The following MAP3K6 variants were observed in gnomAD, a reference collection of about 807,000 sequenced individuals.
The protein encoded by MAP3K6 is apoptosis signal-regulating kinase 2.
Under a neutral mutation model 147.1 loss-of-function variants are expected in MAP3K6, and 105 were observed. The ratio of observed to expected loss-of-function variants is 0.71; its 90% CI spans 0.61 to 0.84. The LOEUF is 0.84. Among genes scored for constraint, MAP3K6 ranks in the 40% least tolerant of loss-of-function variants. The probability of loss-of-function intolerance (pLI) is 0.00; values close to 1 mark genes in which losing one functional copy is unlikely to be tolerated. For synonymous variants in MAP3K6, 695 were observed against 732.4 expected, an observed-to-expected ratio of 0.95 and a Z score of 0.82; for missense variants, 1,569 against 1,715.0, an observed-to-expected ratio of 0.91 and a Z score of 1.50.
At position 27,358,132 on chromosome 1, in the gene MAP3K6, A is replaced by C; in HGVS notation, c.2915+49T>G. ...GGAGGGCTTTTGTAGGAGAGGAGAAAAAGGCAAAACCAGGCAAAAGGAACC... is the reference window on the plus strand; with the variant it reads ...GGAGGGCTTTTGTAGGAGAGGAGAACAAGGCAAAACCAGGCAAAAGGAACC... On this transcript the variant is annotated intron_variant, in intron 21 of 28. Coordinates refer to ENST00000357582, the MANE Select transcript of MAP3K6 (RefSeq NM_004672.5). The surrounding 1 kb of genome is among the most constrained non-coding windows in gnomAD (Gnocchi z 6.2). 1 of 1,535,732 alleles carries C rather than the reference A, an allele frequency of 6.5e-7. No individual in the cohort carries two copies. Among genetic ancestry groups the C allele is most frequent in the Non-Finnish European group, 8.7e-7 (1 of 1,145,282 alleles).
rs1392474979 is a variant in MAP3K6 at position 27,361,247 on chromosome 1, G to T, written c.1742C>A (p.Ser581Ter). ...PVASICGVSA[S>*]KRDERCCFLY... The stretch of plus-strand genomic sequence containing the variant: ...GAAGCAGCAGCGCTCGTCGCGCTTT[G>T]AGGCGCTGGGAAGGGATGAAGAACC... Residue 581 changes from serine to a stop codon, truncating the protein, a stop_gained, in exon 13 of 29, where the codon TCA becomes TAA. Transcript: ENST00000357582. LOFTEE classifies it high-confidence loss of function. 6.2e-7 allele frequency: 1 copy of T among 1,613,512 alleles called. No homozygotes were observed. Among genetic ancestry groups the T allele is most frequent in the Non-Finnish European group, 8.5e-7 (1 of 1,179,852 alleles).
chr1:27,355,297 C>G lies in MAP3K6; in HGVS notation c.*94G>C, dbSNP rs1326140770. The G allele has an allele frequency of 8.1e-7, 1 of 1,239,480 alleles. No individual in the cohort carries two copies. The highest frequency in any genetic ancestry group is 2.3e-5 in the East Asian group (1 of 43,132). The allele number at this position is 1,239,480 out of a possible 1,614,324, so 76.8% of individuals were successfully genotyped here. On this transcript the variant is annotated 3_prime_UTR_variant, in exon 29 of 29. Coordinates refer to ENST00000357582, the MANE Select transcript of MAP3K6 (RefSeq NM_004672.5). ...ACTCGCCTGGCTTCCTCCAGTCGCCCCAGGTCCTGGGGCTGGTGTGTCAGA... is the reference window on the plus strand; with the variant it reads ...ACTCGCCTGGCTTCCTCCAGTCGCCGCAGGTCCTGGGGCTGGTGTGTCAGA...
rs1270131151 is a variant in MAP3K6, at chr1:27,363,980, G to A, written c.801C>T (p.Asp267=). The change falls in exon 5 of 29, where the codon GAC becomes GAT. Residue 267 remains aspartate, a synonymous_variant. Coordinates refer to ENST00000357582, the MANE Select transcript of MAP3K6 (RefSeq NM_004672.5). ...TGTCGGGGCTCAGCAGCTCCACGCT[G>A]TCCAGTCTCCGCTGCAGGCGAGCCA... ...QELARLQRRL[D]SVELLSPDII... The A allele has an allele frequency of 1.2e-6, 2 of 1,610,736 alleles. No homozygotes were observed. The highest frequency in any genetic ancestry group is 1.7e-5 in the Admixed American group (1 of 59,960).
intron 21 of MAP3K6, 87 bp from the exon 22 acceptor site, chr1:27,357,963 C>T (rs1425704861): frequency 4.1e-6 from 6 of 1,481,096 alleles, no homozygotes; most frequent in African/African-American, 1.4e-5. Flanking sequence ...GGCTCTCCTA[C>T]TTTTATGCCT....
At position 27,364,435 on chromosome 1, in the gene MAP3K6, G is replaced by T. The variant is rs1346430761; in HGVS notation, c.505-41C>A. 6.2e-7 allele frequency: 1 copy of T among 1,606,918 alleles called. No individual in the cohort carries two copies. Among genetic ancestry groups the T allele is most frequent in the Non-Finnish European group, 8.5e-7 (1 of 1,174,616 alleles). On this transcript the variant is annotated intron_variant, in intron 3 of 28. Transcript: ENST00000357582. The surrounding 1 kb of genome is among the most constrained non-coding windows in gnomAD (Gnocchi z 4.4). ...CAGGAATCAGTGAGGTCAGAGGTCA[G>T]CACAGGGCTAGACAAGGGGAGTGAG... is the stretch of plus-strand genomic sequence containing the variant.
chr1:27,355,490 G>A, intron 28 of MAP3K6, 21 bp from the exon 29 acceptor site: 1 of 1,613,430 alleles, frequency 6.2e-7, no homozygotes, highest in Non-Finnish European at 8.5e-7. Flanking sequence ...TGGACTCAGT[G>A]TGGCTCAGCC....
In MAP3K6 at chr1:27,360,731, G is replaced by A. The variant is rs536104398; in HGVS notation, c.2028C>T (p.Ile676=). 6.2e-7 allele frequency: 1 copy of A among 1,612,420 alleles called. No homozygotes were observed. ...RDRHTRVRIA[I]KEIPERDSRF... Reference sequence around the variant, plus strand: ...TGCTGTCCCGCTCCGGGATCTCCTTGATGGCGATGCGCACCCTCGTGTGGC... The same window carrying A: ...TGCTGTCCCGCTCCGGGATCTCCTTAATGGCGATGCGCACCCTCGTGTGGC... Residue 676 remains isoleucine (I), a synonymous_variant, in exon 15 of 29, where the codon ATC becomes ATT. Transcript: ENST00000357582. This position sits in a 1 kb window ranked among gnomAD's most constrained non-coding sequence, Gnocchi z 4.5.
intron 6 of MAP3K6, among the ~76,000 whole-genome samples, 158 bp downstream of exon 6, chr1:27,363,284 C>T (rs1390737257): frequency 1.1e-4 from 17 of 151,910 alleles, no homozygotes; most frequent in Admixed American, 1.1e-3. Context: ...ACCCAGGCAG[C>T]AGTAACTCAG....
chr1:27,361,463 G>T, intron 11 of MAP3K6, 57 bp downstream of exon 11: 1 of 1,610,890 alleles, frequency 6.2e-7, no homozygotes, highest in African/African-American at 1.3e-5. Context: ...ATGGGAGAAA[G>T]GCTCCACAGA....
At position 27,357,860 on chromosome 1, in the gene MAP3K6, C is replaced by T; in HGVS notation, c.2932G>A (p.Ala978Thr). ...TCCGGAGACGCAGGCTCCTCGGCCG[C>T]AGGCTCCTCGGGCACCCTGGGCACA... Reference protein sequence around the residue: ...TSQLRVPEEPAAEEPASPEES... With the variant: ...TSQLRVPEEPTAEEPASPEES... The change falls in exon 22 of 29, where the codon GCG becomes ACG. Residue 978 changes from alanine (A) to threonine (T), a missense_variant. By Grantham distance (58) the Ala-to-Thr change is moderately conservative. Coordinates refer to ENST00000357582, the MANE Select transcript of MAP3K6 (RefSeq NM_004672.5). The T allele has an allele frequency of 6.3e-7, 1 of 1,593,724 alleles. No homozygotes were observed. The highest frequency in any genetic ancestry group is 8.5e-7 in the Non-Finnish European group (1 of 1,174,582).
intron 13 of MAP3K6, 47 bp from the exon 14 acceptor site, chr1:27,361,055 C>G: frequency 6.5e-7 from 1 of 1,536,082 alleles, no homozygotes; most frequent in Non-Finnish European, 8.8e-7. Flanking sequence ...TCTTGGTCCC[C>G]ACCTAAGCCG....
In MAP3K6 at chr1:27,361,413, G is replaced by C. The variant is rs1043663965; in HGVS notation, c.1687-18C>G. 26 of 1,613,260 alleles carry C rather than the reference G, an allele frequency of 1.6e-5. No homozygotes were observed. The highest frequency in any genetic ancestry group is 9.3e-5 in the African/African-American group (7 of 74,918). On this transcript the variant is annotated intron_variant, in intron 11 of 28. Coordinates refer to ENST00000357582, the MANE Select transcript of MAP3K6 (RefSeq NM_004672.5). ...GGAATGTCCTGCAAGAAGAAATGGGGTGTGATGGGGAGTGCTGGTGACAGG... is the reference window on the plus strand; with the variant it reads ...GGAATGTCCTGCAAGAAGAAATGGGCTGTGATGGGGAGTGCTGGTGACAGG...
chr1:27,361,025 T>G lies in MAP3K6; in HGVS notation c.1833-17A>C. 1 of 1,562,568 alleles carries G rather than the reference T, an allele frequency of 6.4e-7. No homozygotes were observed. Among genetic ancestry groups the G allele is most frequent in the Non-Finnish European group, 8.7e-7 (1 of 1,152,736 alleles). ...CCGCAGAACCTGAAGGTGGGGGAGG[T>G]CAGACCCGCGGGAGGGGCATCTTGG... On this transcript the variant is annotated splice_polypyrimidine_tract_variant and intron_variant, in intron 13 of 28. Coordinates refer to ENST00000357582, the MANE Select transcript of MAP3K6 (RefSeq NM_004672.5).
chr1:27,361,803 G>A lies in MAP3K6; in HGVS notation c.1480C>T (p.Pro494Ser), dbSNP rs755566552. The change falls in exon 10 of 29, where the codon CCT (proline) becomes TCT (serine). Residue 494 changes from proline to serine, a missense_variant. By Grantham distance (74) the Pro-to-Ser change is moderately conservative. Transcript: ENST00000357582. ...YQHFRPTPEP[P>S]GGPPRRAHFW... ...TGGGCACGGCGTGGTGGCCCTCCAGGGGGCTCTGGCGTGGGCCTGAAGTGC... is the reference window on the plus strand; with the variant it reads ...TGGGCACGGCGTGGTGGCCCTCCAGAGGGCTCTGGCGTGGGCCTGAAGTGC... 1.7e-5 allele frequency: 28 copies of A among 1,609,174 alleles called. 1 individual carries two copies. The East Asian group carries it at 5.8e-4, about 33-fold the overall frequency.
At position 27,356,496 on chromosome 1, in the gene MAP3K6, G is replaced by A; in HGVS notation, c.3529C>T (p.Arg1177Cys). 3 of 1,613,664 alleles carry A rather than the reference G, an allele frequency of 1.9e-6. No individual in the cohort carries two copies. The highest frequency in any genetic ancestry group is 2.7e-5 in the African/African-American group (2 of 75,054). ...CGTTCCTTCCCCGCCAGGATTTCGC[G>A]CAGCCTGTGGGGCGCAGAAGAGTAG... ...SLLRAETDRLREILAGKEREY... is the reference protein window; with the variant it reads ...SLLRAETDRLCEILAGKEREY... The change falls in exon 26 of 29, where the codon CGC becomes TGC. Residue 1177 changes from arginine to cysteine, a missense_variant. By Grantham distance (180) the Arg-to-Cys change is radical (BLOSUM62 -3). Transcript: ENST00000357582.
At position 27,360,432 on chromosome 1, in the gene MAP3K6, C is replaced by A. The variant is rs1483969776; in HGVS notation, c.2055-64G>T. The stretch of plus-strand genomic sequence containing the variant: ...GGGCAGAGAAGCCCCGCCCATCCCA[C>A]GCCAGCCTGGCCCCGCCCCAAGGAC... On this transcript the variant is annotated intron_variant, in intron 15 of 28. Transcript: ENST00000357582. The surrounding 1 kb of genome is among the most constrained non-coding windows in gnomAD (Gnocchi z 4.5). 1.3e-6 allele frequency: 2 copies of A among 1,547,782 alleles called. No homozygotes were observed. Among genetic ancestry groups the A allele is most frequent in the Non-Finnish European group, 1.7e-6 (2 of 1,144,842 alleles).
chr1:27,360,739 T>C lies in MAP3K6; in HGVS notation c.2020A>G (p.Ile674Val), dbSNP rs1349750933. 3 of 1,612,434 alleles carry C rather than the reference T, an allele frequency of 1.9e-6. No individual in the cohort carries two copies. The highest frequency in any genetic ancestry group is 2.5e-6 in the Non-Finnish European group (3 of 1,179,824). Residue 674 changes from isoleucine (I) to valine (V), a missense_variant, in exon 15 of 29, where the codon ATC becomes GTC. Transcript: ENST00000357582. This position sits in a 1 kb window ranked among gnomAD's most constrained non-coding sequence, Gnocchi z 4.5. ...AGRDRHTRVR[I>V]AIKEIPERDS... Reference sequence around the variant, plus strand: ...CGCTCCGGGATCTCCTTGATGGCGATGCGCACCCTCGTGTGGCGATCGCGG... The same window carrying C: ...CGCTCCGGGATCTCCTTGATGGCGACGCGCACCCTCGTGTGGCGATCGCGG...
chr1:27,358,357 C>T lies in MAP3K6; in HGVS notation c.2777-38G>A. Reference sequence around the variant, plus strand: ...CAGAGCCATCAGCTGGGCTCTCCTCCACCCTCACAGCTCCACAACTCCTCT... The same window carrying T: ...CAGAGCCATCAGCTGGGCTCTCCTCTACCCTCACAGCTCCACAACTCCTCT... On this transcript the variant is annotated intron_variant, in intron 20 of 28. Transcript: ENST00000357582. This position sits in a 1 kb window ranked among gnomAD's most constrained non-coding sequence, Gnocchi z 6.2. The T allele has an allele frequency of 1.3e-6, 2 of 1,592,678 alleles. No homozygotes were observed. Among genetic ancestry groups the T allele is most frequent in the South Asian group, 2.3e-5 (2 of 88,098 alleles).
rs1326009527 is a variant in MAP3K6 at position 27,359,505 on chromosome 1, G to GATCAGC, written c.2331_2336dup (p.Leu778_Ile779insMetLeu). 6.2e-7 allele frequency: 1 copy of GATCAGC among 1,614,086 alleles called. No individual in the cohort carries two copies. The highest frequency in any genetic ancestry group is 1.7e-5 in the Admixed American group (1 of 60,026). ...TCTTGAGCAGCCCACTGAAGGTGTT[G>GATCAGC]ATCAGCACATTGTCCCCCTGATTGA... is the stretch of plus-strand genomic sequence containing the variant. On this transcript the variant is annotated inframe_insertion, in exon 18 of 29. Transcript: ENST00000357582. This position sits in a 1 kb window ranked among gnomAD's most constrained non-coding sequence, Gnocchi z 4.4.
Sources: gnomAD v4.1 joint callset for allele counts (sites outside exome capture counted in the v4.1 genomes callset) on GRCh38, gnomAD v4.1.1 for gene constraint, Gnocchi (gnomAD v3.1) non-coding constraint, MANE v1.5 for transcripts, NCBI Gene and HGNC (gene_info 2026-07-23, HGNC 2026-07-21) for gene names.